The following RHBDD1 variants were observed in gnomAD, a reference collection of about 807,000 sequenced individuals.
RHBDD1 encodes rhomboid domain containing 1.
RHBDD1 carries 38 observed loss-of-function variants against 36.3 expected under a neutral mutation model. The observed-to-expected ratio is 1.05, with a 90% CI of 0.81 to 1.37. The LOEUF (loss-of-function observed/expected upper bound fraction) is 1.37. Ranked by LOEUF, RHBDD1 falls within the 40% of genes most tolerant of loss-of-function variation. The pLI is 0.00. For missense variants in RHBDD1, 393 were observed against 377.6 expected (o/e 1.04, Z -0.34); for synonymous variants, 151 against 136.5 (o/e 1.11, Z -0.74).
intron 8 of RHBDD1, among the ~76,000 whole-genome samples, chr2:226,946,924 A>G (rs1054316646): frequency 1.3e-5 from 2 of 152,216 alleles, no homozygotes; most frequent in Non-Finnish European, 2.9e-5. Flanking sequence ...ACATACACGA[A>G]TCAGTAAACA....
At chr2:226,948,069 A>G (rs1951119219) in intron 8 of RHBDD1, among the ~76,000 whole-genome samples, 1 of 152,022 alleles carries the variant, frequency 6.6e-6, no homozygotes, top group African/African-American at 2.4e-5. Flanking sequence ...ATTACTGGGT[A>G]TATACCCAAA....
At chr2:226,871,237 A>C (rs773945097) in intron 5 of RHBDD1, among the ~76,000 whole-genome samples, 67 of 152,180 alleles carry the variant, frequency 4.4e-4, no homozygotes, top group Non-Finnish European at 6.6e-4. Flanking sequence ...TCTGTTTTCA[A>C]AAATATTTAT....
intron 8 of RHBDD1, among the ~76,000 whole-genome samples, chr2:226,921,144 A>G (rs1949278281): frequency 6.6e-6 from 1 of 152,116 alleles, no homozygotes; most frequent in Non-Finnish European, 1.5e-5. Context: ...ATTTATTGGC[A>G]TACAGTTGCT....
At position 226,992,995 on chromosome 2, in the gene RHBDD1, C is replaced by A. The variant is rs572928261; in HGVS notation, c.857-2436C>A. ...TATAAAGAAGAGTGTGATGATTATT[C>A]TTCTCATGACATGAGTTTTCTACTT... On this transcript the variant is annotated intron_variant, in intron 8 of 8. Coordinates refer to ENST00000392062, the MANE Select transcript of RHBDD1 (RefSeq NM_001167608.3). Among the ~76,000 whole-genome samples the A allele has an allele frequency of 3.8e-4, 58 of 152,118 alleles. 3 individuals are homozygous for A. Among genetic ancestry groups the A allele is most frequent in the Non-Finnish European group, 3.1e-4 (21 of 68,016 alleles).
chr2:226,903,866 A>G (rs1412032878), intron 5 of RHBDD1, among the ~76,000 whole-genome samples: 3 of 152,190 alleles, frequency 2.0e-5, no homozygotes, highest in Admixed American at 1.3e-4. Context: ...GCAGAAGAAT[A>G]GCAGAACGGC....
At position 226,864,623 on chromosome 2, in the gene RHBDD1, T is replaced by G; in HGVS notation, c.-71T>G. ...TTTTAGGTTCAGCCGTCTGTATATC[T>G]CCCCAGATACCTGAAACTGACCACC... On this transcript the variant is annotated 5_prime_UTR_variant, in exon 4 of 9. Coordinates refer to ENST00000392062, the MANE Select transcript of RHBDD1 (RefSeq NM_001167608.3). The G allele has an allele frequency of 1.6e-6, 2 of 1,253,582 alleles. No individual in the cohort carries two copies. Among genetic ancestry groups the G allele is most frequent in the Non-Finnish European group, 2.3e-6 (2 of 880,426 alleles). The allele number at this position is 1,253,582 out of a possible 1,614,324, so 77.7% of individuals were successfully genotyped here.
At chr2:226,989,947 C>T (rs1040275185) in intron 8 of RHBDD1, among the ~76,000 whole-genome samples, 2 of 152,214 alleles carry the variant, frequency 1.3e-5, no homozygotes, top group African/African-American at 4.8e-5. Flanking sequence ...GGAATCTCCA[C>T]TGTTGCAGTC....
At chr2:226,940,020 T>A (rs1950566842) in intron 8 of RHBDD1, among the ~76,000 whole-genome samples, 1 of 152,146 alleles carries the variant, frequency 6.6e-6, no homozygotes, top group South Asian at 2.1e-4. Context: ...AGGGAAAGGA[T>A]TCCCTATTTA....
intron 8 of RHBDD1, among the ~76,000 whole-genome samples, chr2:226,970,046 C>A (rs1191770865): frequency 7.6e-6 from 1 of 130,820 alleles, no homozygotes; most frequent in Non-Finnish European, 1.5e-5. Context: ...CTGGTCACAT[C>A]GTCATCCCAG....
intron 8 of RHBDD1, among the ~76,000 whole-genome samples, chr2:226,993,924 G>T (rs1958819724): frequency 6.6e-6 from 1 of 152,140 alleles, no homozygotes; most frequent in African/African-American, 2.4e-5. Context: ...GCCACTCTTG[G>T]GCAATGAGCA....
At chr2:226,967,340 A>C (rs1376661208) in intron 8 of RHBDD1, among the ~76,000 whole-genome samples, 1 of 152,178 alleles carries the variant, frequency 6.6e-6, no homozygotes, top group Non-Finnish European at 1.5e-5. Flanking sequence ...GATTATATAA[A>C]TCAGCCTGAA....
At chr2:226,824,795 T>C in the RHBDD1 span, among the ~76,000 whole-genome samples, 1 of 152,228 alleles carries the variant, frequency 6.6e-6, no homozygotes, top group Admixed American at 6.5e-5. Flanking sequence ...CTGCCTTGTA[T>C]ACATGGTATG....
chr2:226,810,471 G>A, the RHBDD1 span, among the ~76,000 whole-genome samples: 1 of 136,170 alleles, frequency 7.3e-6, no homozygotes, highest in Admixed American at 7.7e-5. Context: ...ACCCAGGGAG[G>A]TGGAAGTTTC....
At chr2:226,808,616 G>A in the RHBDD1 span, 1 of 152,230 alleles carries the variant, frequency 6.6e-6, no homozygotes, top group South Asian at 2.1e-4. Context: ...ACTTTTCACA[G>A]CGTGGAGGCT....
At chr2:226,958,147 A>G (rs1212442379) in intron 8 of RHBDD1, among the ~76,000 whole-genome samples, 1 of 152,246 alleles carries the variant, frequency 6.6e-6, no homozygotes, top group Non-Finnish European at 1.5e-5. Flanking sequence ...ATGCTGATCA[A>G]ATTGATAAAT....
intron 8 of RHBDD1, among the ~76,000 whole-genome samples, chr2:226,969,605 G>A (rs1387710036): frequency 1.3e-5 from 2 of 152,208 alleles, no homozygotes; most frequent in African/African-American, 4.8e-5. Flanking sequence ...ACCAGAAAAC[G>A]TGAGTCCCGT....
chr2:226,816,586 T>G, the RHBDD1 span, among the ~76,000 whole-genome samples: 1 of 152,116 alleles, frequency 6.6e-6, no homozygotes, highest in Admixed American at 6.6e-5. Context: ...TTACAGATTA[T>G]ACCAAGAAAA....
intron 3 of RHBDD1, among the ~76,000 whole-genome samples, chr2:226,863,901 A>C (rs1944084346): frequency 6.6e-6 from 1 of 152,068 alleles, no homozygotes; most frequent in South Asian, 2.1e-4. Context: ...TCACCACCTC[A>C]GGCTGTGTTG....
At chr2:226,863,110 G>A (rs1944009068) in intron 3 of RHBDD1, among the ~76,000 whole-genome samples, 1 of 152,196 alleles carries the variant, frequency 6.6e-6, no homozygotes, top group African/African-American at 2.4e-5. Flanking sequence ...CACTTTGGGA[G>A]GCTGAGGCAG....
Sources: gnomAD v4.1 joint callset for allele counts (sites outside exome capture counted in the v4.1 genomes callset) on GRCh38, gnomAD v4.1.1 for gene constraint, MANE v1.5 for transcripts, NCBI Gene and HGNC (gene_info 2026-07-23, HGNC 2026-07-21) for gene names.